Variants in SETBP1 observed in about 807,000 individuals in gnomAD.
The protein encoded by SETBP1 is SET binding protein 1, also known as SET-binding protein.
SETBP1 carries 9 observed loss-of-function variants against 101.0 expected under a neutral mutation model. The observed-to-expected ratio is 0.09, with a 90% confidence interval of 0.05 to 0.16. SETBP1 has a LOEUF of 0.16. Ranked by LOEUF, SETBP1 falls within the 10% of genes least tolerant of loss-of-function variation. The probability of loss-of-function intolerance (pLI) is 1.00; values close to 1 mark genes in which losing one functional copy is unlikely to be tolerated. For synonymous variants in SETBP1, 818 were observed against 788.5 expected (o/e 1.04, Z -0.63); for missense variants, 1,858 against 2,033.8 (o/e 0.91, Z 1.66).
chr18:44,989,786 G>A (rs892848112), intron 4 of SETBP1, among the ~76,000 whole-genome samples: 3 of 143,710 alleles, frequency 2.1e-5, no homozygotes, highest in Admixed American at 1.4e-4. Context: ...GGAGAATGGC[G>A]TGAACCCGGG....
At chr18:44,815,491 C>T (rs528295958) in intron 2 of SETBP1, among the ~76,000 whole-genome samples, 16 of 152,306 alleles carry the variant, frequency 1.1e-4, no homozygotes, top group Admixed American at 2.6e-4. Context: ...TCTTTGGCTA[C>T]TGTTTACTTT....
At chr18:44,853,781 T>C in intron 2 of SETBP1, among the ~76,000 whole-genome samples, 1 of 152,190 alleles carries the variant, frequency 6.6e-6, no homozygotes, top group Non-Finnish European at 1.5e-5. Context: ...CTTTCTACAT[T>C]ATAAACTGCA....
intron 2 of SETBP1, among the ~76,000 whole-genome samples, chr18:44,742,471 G>A (rs1267171468): frequency 6.6e-6 from 1 of 152,204 alleles, no homozygotes; most frequent in East Asian, 1.9e-4. Context: ...GGAGGATGCG[G>A]AGCACAAAAG....
intron 3 of SETBP1, among the ~76,000 whole-genome samples, chr18:44,896,673 A>G (rs2069910370): frequency 6.6e-6 from 1 of 152,078 alleles, no homozygotes; most frequent in African/African-American, 2.4e-5. Flanking sequence ...TATTTTTAGT[A>G]GAGATGGGGT....
intron 2 of SETBP1, among the ~76,000 whole-genome samples, chr18:44,799,387 C>A (rs533148500): frequency 1.3e-5 from 2 of 152,000 alleles, no homozygotes; most frequent in African/African-American, 2.4e-5. Flanking sequence ...TTCCGAGAAG[C>A]CTTGCCTATT....
intron 2 of SETBP1, among the ~76,000 whole-genome samples, chr18:44,713,858 G>A (rs1473509078): frequency 6.6e-6 from 1 of 152,196 alleles, no homozygotes; most frequent in African/African-American, 2.4e-5. Flanking sequence ...GACGTGAATC[G>A]AATGTTATAC....
chr18:44,947,964 A>C (rs1030917980), intron 3 of SETBP1, among the ~76,000 whole-genome samples: 15 of 152,190 alleles, frequency 9.9e-5, no homozygotes, highest in African/African-American at 3.4e-4. Flanking sequence ...CTAATTTCCA[A>C]AGCATAAATA....
chr18:44,913,212 T>G (rs2070352651), intron 3 of SETBP1, among the ~76,000 whole-genome samples: 1 of 152,218 alleles, frequency 6.6e-6, no homozygotes, highest in Admixed American at 6.5e-5. Flanking sequence ...CAGCTTCCCA[T>G]ACGCCCACAG....
intron 3 of SETBP1, among the ~76,000 whole-genome samples, chr18:44,879,360 AG>A (rs1375343812): frequency 6.6e-6 from 1 of 152,200 alleles, no homozygotes; most frequent in East Asian, 1.9e-4. Flanking sequence ...TTATGGCCAG[AG>A]TCATCCTTAG....
intron 4 of SETBP1, among the ~76,000 whole-genome samples, chr18:45,019,496 C>T (rs1174779072): frequency 1.3e-5 from 2 of 152,160 alleles, no homozygotes; most frequent in African/African-American, 4.8e-5. Context: ...AAAAGTCTGG[C>T]ATTTGCCTCA....
intron 4 of SETBP1, 30 bp downstream of exon 4, chr18:44,953,370 A>G: frequency 1.3e-6 from 2 of 1,587,438 alleles, no homozygotes; most frequent in Middle Eastern, 1.7e-4. Context: ...GAAATGGATT[A>G]TCAAGTTATT....
In SETBP1 at chr18:44,753,425, C is replaced by T. The variant is rs541950246; in HGVS notation, c.486+51593C>T. ...CTAAGCATAGGAACTACAGACATAG[C>T]CTGGGTTACTTAATGTCGTAGAAAT... On this transcript the variant is annotated intron_variant, in intron 2 of 5. Transcript: ENST00000649279. Among the ~76,000 whole-genome samples the T allele has an allele frequency of 2.6e-5, 4 of 152,326 alleles. No homozygotes were observed. The East Asian group carries it at 7.7e-4, about 29-fold the overall frequency.
At chr18:44,862,491 G>A (rs1010211040) in intron 2 of SETBP1, among the ~76,000 whole-genome samples, 13 of 151,912 alleles carry the variant, frequency 8.6e-5, no homozygotes, top group African/African-American at 2.4e-4. Context: ...AACCACCCCC[G>A]CGGTCTCTAC....
At chr18:44,765,589 G>C in intron 2 of SETBP1, among the ~76,000 whole-genome samples, 1 of 152,192 alleles carries the variant, frequency 6.6e-6, no homozygotes, top group East Asian at 1.9e-4. Context: ...TCCAGTTTAT[G>C]TTGGCACAGA....
At chr18:44,713,072 C>T (rs906119967) in intron 2 of SETBP1, among the ~76,000 whole-genome samples, 2 of 151,500 alleles carry the variant, frequency 1.3e-5, no homozygotes, top group African/African-American at 4.9e-5. Context: ...CATTCTCCTG[C>T]CTCAGCCTCC....
intron 3 of SETBP1, among the ~76,000 whole-genome samples, chr18:44,943,274 G>C (rs1177978124): frequency 1.3e-5 from 2 of 152,198 alleles, no homozygotes; most frequent in Non-Finnish European, 2.9e-5. Flanking sequence ...GAAATCCCTT[G>C]TTAGGCTGGT....
intron 2 of SETBP1, among the ~76,000 whole-genome samples, chr18:44,859,006 G>A (rs934137866): frequency 2.0e-5 from 3 of 151,006 alleles, no homozygotes; most frequent in Admixed American, 1.3e-4. Flanking sequence ...AAGGAAGGAA[G>A]GAAGGAAAAA....
intron 2 of SETBP1, among the ~76,000 whole-genome samples, chr18:44,851,123 A>G (rs557844322): frequency 1.7e-4 from 26 of 152,266 alleles, no homozygotes; most frequent in South Asian, 4.1e-4. Context: ...CATCATCATC[A>G]TTATCATTAT....
In SETBP1 at chr18:45,064,209, C is replaced by T. The variant is rs541506698; in HGVS notation, c.*511C>T. On this transcript the variant is annotated 3_prime_UTR_variant, in exon 6 of 6. Transcript: ENST00000649279. ...TCAAGCTCTGCTAAGCTTTGGGGTA[C>T]CAACGTCATCTTCAGGTGACCTGAA... 1 of 153,204 alleles carries T rather than the reference C, an allele frequency of 6.5e-6. No homozygotes were observed. The highest frequency in any genetic ancestry group is 1.9e-4 in the East Asian group (1 of 5,208). 9.5% of individuals were successfully genotyped at this position (153,204 alleles called of 1,614,324 possible). A position where few individuals can be genotyped will look rare whatever the true frequency, so the allele number is the denominator to read the frequency against.
Sources: allele counts gnomAD v4.1 joint callset (sites outside exome capture counted in the v4.1 genomes callset), GRCh38; gene constraint gnomAD v4.1.1; transcripts MANE v1.5; gene names NCBI Gene and HGNC (gene_info 2026-07-23, HGNC 2026-07-21).